Variants in SLC24A2 observed in about 807,000 individuals in gnomAD.
SLC24A2 encodes sodium/potassium/calcium exchanger 2.
In SLC24A2, 36 loss-of-function variants were observed where a neutral mutation model predicts 62.0. The ratio of observed to expected loss-of-function variants is 0.58; its 90% confidence interval spans 0.44 to 0.77. The LOEUF (loss-of-function observed/expected upper bound fraction) is 0.77. Ranked by LOEUF, SLC24A2 falls within the 30% of genes least tolerant of loss-of-function variation. The pLI, the probability that SLC24A2 is intolerant of heterozygous loss-of-function variation, is 0.00. For missense variants in SLC24A2, 846 were observed against 817.9 expected, an observed-to-expected ratio of 1.03 and a Z score of -0.42; for synonymous variants, 358 against 294.0, an observed-to-expected ratio of 1.22 and a Z score of -2.23.
At chr9:19,541,956 G>A (rs1834284969) in intron 8 of SLC24A2, among the ~76,000 whole-genome samples, 1 of 152,230 alleles carries the variant, frequency 6.6e-6, no homozygotes, top group African/African-American at 2.4e-5. Context: ...TCGGGTGGGA[G>A]TGACCCGATT....
the SLC24A2 span, among the ~76,000 whole-genome samples, chr9:20,255,483 A>T: frequency 2.6e-5 from 4 of 152,170 alleles, no homozygotes; most frequent in South Asian, 6.2e-4. Context: ...GACATAGCTC[A>T]TATCTGTATA....
chr9:20,164,031 A>G, the SLC24A2 span, among the ~76,000 whole-genome samples: 1 of 152,166 alleles, frequency 6.6e-6, no homozygotes, highest in Non-Finnish European at 1.5e-5. Flanking sequence ...TAAAAACCCT[A>G]GAAGAAAACC....
the SLC24A2 span, among the ~76,000 whole-genome samples, chr9:20,004,924 G>T: frequency 1.3e-5 from 2 of 151,868 alleles, no homozygotes; most frequent in Non-Finnish European, 2.9e-5. Flanking sequence ...AAAAAAAGAA[G>T]CATCTGTTTT....
intron 2 of SLC24A2, among the ~76,000 whole-genome samples, chr9:19,745,276 G>A (rs117962676): frequency 0.032 from 4,845 of 152,228 alleles, 101 homozygotes; most frequent in Non-Finnish European, 0.047. Context: ...GCAGAACCAT[G>A]AGCCAATTAA....
the SLC24A2 span, among the ~76,000 whole-genome samples, chr9:19,940,883 C>G: frequency 7.2e-5 from 11 of 152,194 alleles, no homozygotes; most frequent in Non-Finnish European, 1.3e-4. Context: ...GGGAAAGGCT[C>G]TCTCATTTTT....
the SLC24A2 span, among the ~76,000 whole-genome samples, chr9:20,085,286 A>G: frequency 6.6e-6 from 1 of 152,188 alleles, no homozygotes; most frequent in Non-Finnish European, 1.5e-5. Flanking sequence ...GGCATGAGCC[A>G]CTGCAGCTGG....
intron 5 of SLC24A2, among the ~76,000 whole-genome samples, chr9:19,591,117 G>C (rs1430791089): frequency 6.6e-6 from 1 of 151,978 alleles, no homozygotes; most frequent in Non-Finnish European, 1.5e-5. Flanking sequence ...CAATTAGCTA[G>C]GTATTATAGT....
At chr9:19,667,908 C>T (rs536117372) in intron 2 of SLC24A2, among the ~76,000 whole-genome samples, 3 of 152,332 alleles carry the variant, frequency 2.0e-5, no homozygotes, top group Non-Finnish European at 4.4e-5. Context: ...AGTTCTTCCT[C>T]TAGCAAGACT....
the SLC24A2 span, among the ~76,000 whole-genome samples, chr9:20,134,128 G>A: frequency 2.0e-5 from 3 of 152,114 alleles, no homozygotes; most frequent in East Asian, 3.9e-4. Flanking sequence ...GATATGGAGA[G>A]CCAGAAAGAT....
chr9:19,548,758 C>T (rs764747351), intron 8 of SLC24A2, among the ~76,000 whole-genome samples: 2 of 152,202 alleles, frequency 1.3e-5, no homozygotes, highest in Non-Finnish European at 2.9e-5. Flanking sequence ...TGAGAGTCAG[C>T]CCCTGCAGCA....
Position 19,512,344 on chromosome 9 carries a change from A to G in SLC24A2, c.*3809T>C, listed in dbSNP as rs777862444. 1 of 152,248 alleles carries G rather than the reference A, an allele frequency of 6.6e-6. No homozygotes were observed. Among genetic ancestry groups the G allele is most frequent in the African/African-American group, 2.4e-5 (1 of 41,462 alleles). 9.4% of individuals were successfully genotyped at this position (152,248 alleles called of 1,614,324 possible). On this transcript the variant is annotated 3_prime_UTR_variant, in exon 11 of 11. Transcript: ENST00000341998. ...AAGCCTTACAAAGCATTTTTCCTGAATATAAAACAGTCTCCGCCTCTTTTT... is the reference window on the plus strand; with the variant it reads ...AAGCCTTACAAAGCATTTTTCCTGAGTATAAAACAGTCTCCGCCTCTTTTT...
At chr9:20,084,593 G>A in the SLC24A2 span, among the ~76,000 whole-genome samples, 41 of 149,120 alleles carry the variant, frequency 2.7e-4, no homozygotes, top group African/African-American at 1.0e-3. Flanking sequence ...TCTCCAGAGT[G>A]AGACAGTTCC....
At chr9:20,158,354 A>C in the SLC24A2 span, among the ~76,000 whole-genome samples, 1 of 151,662 alleles carries the variant, frequency 6.6e-6, no homozygotes, top group Non-Finnish European at 1.5e-5. Context: ...TAAGAAGCGG[A>C]GCCTTTAGTA....
chr9:20,303,192 A>T, the SLC24A2 span, among the ~76,000 whole-genome samples: 1 of 152,278 alleles, frequency 6.6e-6, no homozygotes, highest in East Asian at 1.9e-4. Context: ...TCACGGGAGT[A>T]CAGTTACTAT....
chr9:19,628,995 T>C (rs140106308), intron 2 of SLC24A2, among the ~76,000 whole-genome samples: 206 of 152,292 alleles, frequency 1.4e-3, no homozygotes, highest in African/African-American at 4.6e-3. Context: ...AACTACAGAA[T>C]ACTTTGTAGC....
chr9:20,016,629 A>G, the SLC24A2 span, among the ~76,000 whole-genome samples: 1 of 152,226 alleles, frequency 6.6e-6, no homozygotes, highest in Non-Finnish European at 1.5e-5. Flanking sequence ...AGCTGTGTAA[A>G]TATTTTCTCT....
chr9:20,001,286 GC>G, the SLC24A2 span, among the ~76,000 whole-genome samples: 1 of 152,204 alleles, frequency 6.6e-6, no homozygotes, highest in Non-Finnish European at 1.5e-5. Flanking sequence ...TGTGGAGAGT[GC>G]TCTGCATGCC....
At chr9:20,093,917 C>G in the SLC24A2 span, among the ~76,000 whole-genome samples, 1 of 151,718 alleles carries the variant, frequency 6.6e-6, no homozygotes, top group Non-Finnish European at 1.5e-5. Context: ...TCTCATGTAG[C>G]CCATAAATAT....
the SLC24A2 span, among the ~76,000 whole-genome samples, chr9:20,088,050 G>A: frequency 6.6e-6 from 1 of 152,322 alleles, no homozygotes; most frequent in South Asian, 2.1e-4. Flanking sequence ...TCTTGGAAGA[G>A]AGGCCTCTTA....
Sources: allele counts gnomAD v4.1 joint callset (sites outside exome capture counted in the v4.1 genomes callset), GRCh38; gene constraint gnomAD v4.1.1; transcripts MANE v1.5; gene names NCBI Gene and HGNC (gene_info 2026-07-23, HGNC 2026-07-21).